The following RERE variants were observed in gnomAD, a reference collection of about 807,000 sequenced individuals.
The protein encoded by RERE is arginine-glutamic acid dipeptide repeats protein.
Under a neutral mutation model 146.1 loss-of-function variants are expected in RERE, and 40 were observed. The observed-to-expected ratio is 0.27, with a 90% confidence interval of 0.21 to 0.36. The LOEUF (loss-of-function observed/expected upper bound fraction) is 0.36, where lower values mean the gene tolerates loss of function less well. RERE is among the 10% of genes least tolerant of loss of function. The pLI is 1.00. For synonymous variants in RERE, 1,003 were observed against 866.0 expected, an observed-to-expected ratio of 1.16 and a Z score of -2.78; for missense variants, 1,933 against 2,138.7, an observed-to-expected ratio of 0.90 and a Z score of 1.90.
chr1:8,657,024 C>T (rs1364967386), intron 1 of RERE, among the ~76,000 whole-genome samples: 1 of 152,208 alleles, frequency 6.6e-6, no homozygotes, highest in South Asian at 2.1e-4. Flanking sequence ...CAGGATAGGC[C>T]GGGCGCGGTG....
intron 4 of RERE, among the ~76,000 whole-genome samples, chr1:8,565,367 A>G (rs1188608771): frequency 6.6e-6 from 1 of 152,206 alleles, no homozygotes; most frequent in Non-Finnish European, 1.5e-5. Context: ...GAAATTAGAT[A>G]GGAAATATCT....
intron 7 of RERE, among the ~76,000 whole-genome samples, chr1:8,527,629 G>A (rs1645585200): frequency 6.6e-6 from 1 of 152,124 alleles, no homozygotes; most frequent in African/African-American, 2.4e-5. Flanking sequence ...CTCATTAGAT[G>A]CCCTGAGTTA....
At chr1:8,566,624 C>CA (rs1363011105) in intron 4 of RERE, among the ~76,000 whole-genome samples, 1 of 151,250 alleles carries the variant, frequency 6.6e-6, no homozygotes, top group Admixed American at 6.6e-5. Context: ...GTCTCCAAAA[C>CA]AAAAAACAAA....
chr1:8,671,395 T>C (rs1461857348), intron 1 of RERE, among the ~76,000 whole-genome samples: 1 of 152,210 alleles, frequency 6.6e-6, no homozygotes, highest in African/African-American at 2.4e-5. Flanking sequence ...AACTTCTGTA[T>C]TAATGATGTT....
At chr1:8,543,462 C>T (rs1393539136) in intron 6 of RERE, among the ~76,000 whole-genome samples, 1 of 152,136 alleles carries the variant, frequency 6.6e-6, no homozygotes, top group African/African-American at 2.4e-5. Flanking sequence ...TTGTACATTA[C>T]TAAAGGAAAT....
At chr1:8,475,487 G>A (rs1361048947) in intron 10 of RERE, among the ~76,000 whole-genome samples, 1 of 151,946 alleles carries the variant, frequency 6.6e-6, no homozygotes, top group Non-Finnish European at 1.5e-5. Context: ...AGACCAGCCT[G>A]GCCAACATGG....
chr1:8,374,369 A>AT (rs144524893), intron 12 of RERE, among the ~76,000 whole-genome samples: 24,304 of 151,280 alleles, frequency 0.16, 2,198 homozygotes, highest in South Asian at 0.28. Context: ...GTTAAAAAAA[A>AT]TTTTTTTTTT....
At chr1:8,783,425 T>C (rs1291151412) in intron 1 of RERE, among the ~76,000 whole-genome samples, 4 of 152,222 alleles carry the variant, frequency 2.6e-5, no homozygotes, top group Non-Finnish European at 5.9e-5. Flanking sequence ...TACTAGCAAA[T>C]GGATGAAGCA....
intron 1 of RERE, among the ~76,000 whole-genome samples, chr1:8,710,930 G>A (rs1362073990): frequency 6.6e-6 from 1 of 152,010 alleles, no homozygotes; most frequent in African/African-American, 2.4e-5. Flanking sequence ...GCCAAGGCGG[G>A]TGGATCACTT....
intron 4 of RERE, among the ~76,000 whole-genome samples, chr1:8,607,513 T>A (rs1052743532): frequency 6.9e-6 from 1 of 145,208 alleles, no homozygotes; most frequent in Non-Finnish European, 1.5e-5. Flanking sequence ...AAGCCCCGCA[T>A]ATTTGTTTTT....
At chr1:8,513,596 T>G (rs995664382) in intron 7 of RERE, among the ~76,000 whole-genome samples, 1 of 152,072 alleles carries the variant, frequency 6.6e-6, no homozygotes, top group South Asian at 2.1e-4. Flanking sequence ...CTGGCCAACA[T>G]AGTGAAACCC....
intron 2 of RERE, among the ~76,000 whole-genome samples, chr1:8,655,275 C>T (rs533454103): frequency 3.3e-3 from 490 of 150,746 alleles, no homozygotes; most frequent in Non-Finnish European, 4.9e-3. Flanking sequence ...GGTGTGATCT[C>T]GGCTGACTGC....
At chr1:8,433,104 C>G (rs906655737) in intron 11 of RERE, among the ~76,000 whole-genome samples, 6 of 152,154 alleles carry the variant, frequency 3.9e-5, no homozygotes, top group Non-Finnish European at 8.8e-5. Flanking sequence ...CACAAACAAC[C>G]TGGCATGGTT....
chr1:8,376,455 T>G (rs1401858277), intron 12 of RERE, among the ~76,000 whole-genome samples: 2 of 152,206 alleles, frequency 1.3e-5, no homozygotes, highest in African/African-American at 4.8e-5. Flanking sequence ...TTTAGAATTA[T>G]GCACATGTCT....
At chr1:8,771,887 G>A (rs981180675) in intron 1 of RERE, among the ~76,000 whole-genome samples, 1 of 143,934 alleles carries the variant, frequency 6.9e-6, no homozygotes, top group African/African-American at 2.6e-5. Context: ...TCCAGCCTGG[G>A]TGACAGAGTG....
chr1:8,377,880 G>A lies in RERE; in HGVS notation c.1285-11906C>T, dbSNP rs115660735. Among the ~76,000 whole-genome samples, 607 of 152,288 alleles carry A rather than the reference G, an allele frequency of 4.0e-3. 3 individuals are homozygous for A. Among genetic ancestry groups the A allele is most frequent in the Non-Finnish European group, 7.0e-3 (475 of 68,020 alleles). ...CCGAGGTGATAATTGAATGACAGGG[G>A]CTGGAGGGAAATCCATTTTTGAGCT... On this transcript the variant is annotated intron_variant, in intron 12 of 22. Transcript: ENST00000400908.
intron 1 of RERE, among the ~76,000 whole-genome samples, chr1:8,661,619 A>T (rs1210135413): frequency 1.3e-5 from 2 of 152,144 alleles, no homozygotes; most frequent in African/African-American, 2.4e-5. Flanking sequence ...GTATGTTTTA[A>T]AGGTAAGAGT....
intron 12 of RERE, among the ~76,000 whole-genome samples, chr1:8,421,425 C>T (rs943087687): frequency 1.3e-5 from 2 of 152,312 alleles, no homozygotes; most frequent in South Asian, 4.1e-4. Context: ...AGATTGGCAT[C>T]ATAATACATC....
chr1:8,558,284 G>A (rs1646030670), intron 4 of RERE, among the ~76,000 whole-genome samples: 1 of 152,190 alleles, frequency 6.6e-6, no homozygotes, highest in Non-Finnish European at 1.5e-5. Flanking sequence ...AGTTTGTTCA[G>A]AGAATAAAGG....
Sources: allele counts gnomAD v4.1 joint callset (sites outside exome capture counted in the v4.1 genomes callset), GRCh38; gene constraint gnomAD v4.1.1; transcripts MANE v1.5; gene names NCBI Gene and HGNC (gene_info 2026-07-23, HGNC 2026-07-21).